Variants in IGF1R observed in about 807,000 individuals in gnomAD.
IGF1R encodes the protein insulin-like growth factor 1 receptor.
A neutral mutation model predicts 144.6 loss-of-function variants in IGF1R; 44 were observed. The observed-to-expected ratio is 0.30, with a 90% CI of 0.24 to 0.39. The LOEUF is 0.39. Ranked by LOEUF, IGF1R falls within the 10% of genes least tolerant of loss-of-function variation. IGF1R has a pLI of 1.00. For missense variants in IGF1R, 1,355 were observed against 1,833.7 expected, an observed-to-expected ratio of 0.74 and a Z score of 4.77; for synonymous variants, 795 against 722.8, an observed-to-expected ratio of 1.10 and a Z score of -1.60.
intron 2 of IGF1R, among the ~76,000 whole-genome samples, chr15:98,804,601 A>G (rs2056432806): frequency 6.6e-6 from 1 of 152,154 alleles, no homozygotes; most frequent in Non-Finnish European, 1.5e-5. Context: ...CCTGCATTTG[A>G]TTGTGAATGC....
At position 98,891,196 on chromosome 15, in the gene IGF1R, A is replaced by G; in HGVS notation, c.641-129A>G. The G allele has an allele frequency of 1.2e-6, 1 of 836,790 alleles. No homozygotes were observed. Among genetic ancestry groups the G allele is most frequent in the Admixed American group, 2.0e-5 (1 of 50,248 alleles). 51.8% of individuals were successfully genotyped at this position (836,790 alleles called of 1,614,324 possible). A position where few individuals can be genotyped will look rare whatever the true frequency, so the allele number is the denominator to read the frequency against. ...TGAGGATTTCGTAGTGTGTTTTTGC[A>G]TTGTCTCCTCAATGAGTGATCTGGT... On this transcript the variant is annotated intron_variant, in intron 2 of 20. Transcript: ENST00000650285. This position sits in a 1 kb window ranked among gnomAD's most constrained non-coding sequence, Gnocchi z 4.7.
chr15:98,776,325 T>C (rs1700832080), intron 2 of IGF1R, among the ~76,000 whole-genome samples: 1 of 151,904 alleles, frequency 6.6e-6, no homozygotes, highest in African/African-American at 2.4e-5. Flanking sequence ...ACAGGGTCTA[T>C]GGGCATGTGC....
chr15:98,711,116 C>T (rs2053981778), intron 2 of IGF1R, among the ~76,000 whole-genome samples: 1 of 152,160 alleles, frequency 6.6e-6, no homozygotes, highest in Non-Finnish European at 1.5e-5. Context: ...CACTGCAGCG[C>T]TCATAGCCCC....
chr15:98,836,210 A>G (rs1476032511), intron 2 of IGF1R, among the ~76,000 whole-genome samples: 2 of 151,314 alleles, frequency 1.3e-5, no homozygotes, highest in Non-Finnish European at 2.9e-5. Context: ...TCAGCTTTTT[A>G]TTTTGAAATA....
chr15:98,787,540 G>A (rs2056027187), intron 2 of IGF1R, among the ~76,000 whole-genome samples: 1 of 152,100 alleles, frequency 6.6e-6, no homozygotes, highest in African/African-American at 2.4e-5. Context: ...TTGGACCTTT[G>A]GGAAGCAGAT....
intron 2 of IGF1R, among the ~76,000 whole-genome samples, chr15:98,797,397 C>T (rs57670373): frequency 1.3e-5 from 2 of 152,140 alleles, no homozygotes; most frequent in Non-Finnish European, 2.9e-5. Flanking sequence ...GCGAGTGGAC[C>T]GTTACCTGTG....
intron 2 of IGF1R, among the ~76,000 whole-genome samples, chr15:98,775,056 T>TAAC (rs1322563348): frequency 1.3e-5 from 2 of 152,130 alleles, no homozygotes; most frequent in Non-Finnish European, 2.9e-5. Flanking sequence ...AGGTTAATAA[T>TAAC]AACCTGCCTT....
intron 1 of IGF1R, among the ~76,000 whole-genome samples, chr15:98,666,790 T>A (rs900736810): frequency 6.6e-6 from 1 of 152,120 alleles, no homozygotes; most frequent in Non-Finnish European, 1.5e-5. Flanking sequence ...AGTTTCAGTT[T>A]GGGAACATGT....
chr15:98,682,639 C>T (rs2053221449), intron 1 of IGF1R, among the ~76,000 whole-genome samples: 1 of 152,040 alleles, frequency 6.6e-6, no homozygotes, highest in South Asian at 2.1e-4. Context: ...CCTCTGCCTT[C>T]CGAGTTCCAG....
chr15:98,855,969 G>A (rs2011789485), intron 2 of IGF1R, among the ~76,000 whole-genome samples: 1 of 152,238 alleles, frequency 6.6e-6, no homozygotes, highest in South Asian at 2.1e-4. Context: ...GGCCGTAGAG[G>A]CTGCAACACG....
intron 1 of IGF1R, among the ~76,000 whole-genome samples, chr15:98,659,456 C>A (rs572333897): frequency 6.6e-6 from 1 of 152,020 alleles, no homozygotes; most frequent in South Asian, 2.1e-4. Context: ...TTAATAGTGC[C>A]CCAAGGAGGA....
In IGF1R at chr15:98,787,439, G is replaced by A. The variant is rs564194494; in HGVS notation, c.640+79332G>A. Among the ~76,000 whole-genome samples the A allele has an allele frequency of 3.4e-4, 52 of 152,272 alleles. 1 individual carries two copies. The South Asian group carries it at 0.011, about 31-fold the overall frequency. ...AAATCCTGAAGGCGTTGGAGCGTGA[G>A]CAAAGGGAAAATGGTGACACAGAGC... is the stretch of plus-strand genomic sequence containing the variant. On this transcript the variant is annotated intron_variant, in intron 2 of 20. Transcript: ENST00000650285.
chr15:98,937,773 C>T (rs1346475306), intron 17 of IGF1R, among the ~76,000 whole-genome samples: 4 of 152,168 alleles, frequency 2.6e-5, no homozygotes, highest in East Asian at 3.8e-4. Flanking sequence ...CTGTTGCTCA[C>T]GGCAATTATA....
In IGF1R at chr15:98,649,436, T is replaced by C; in HGVS notation, c.-146T>C. On this transcript the variant is annotated 5_prime_UTR_variant, in exon 1 of 21. Coordinates refer to ENST00000650285, the MANE Select transcript of IGF1R (RefSeq NM_000875.5). Reference sequence around the variant, plus strand: ...GGCCCCGGCGGCGCCGCCTTCGGAGTATTGTTTCCTTCGCCCTTGTTTTTG... The same window carrying C: ...GGCCCCGGCGGCGCCGCCTTCGGAGCATTGTTTCCTTCGCCCTTGTTTTTG... 3.5e-6 allele frequency: 2 copies of C among 567,536 alleles called. No homozygotes were observed. The highest frequency in any genetic ancestry group is 4.6e-5 in the South Asian group (2 of 43,746). 35.2% of individuals were successfully genotyped at this position (567,536 alleles called of 1,614,324 possible).
intron 6 of IGF1R, among the ~76,000 whole-genome samples, 189 bp downstream of exon 6, chr15:98,909,088 G>T (rs1392978242): frequency 6.6e-6 from 1 of 152,104 alleles, no homozygotes; most frequent in African/African-American, 2.4e-5. Context: ...GATACGTGAT[G>T]TATTCGTATT....
At position 98,957,438 on chromosome 15, in the gene IGF1R, G is replaced by T. The variant is rs951700427; in HGVS notation, c.4100G>T (p.Cys1367Phe). Reference sequence around the variant, plus strand: ...TTGCCGCTGCCCCAGTCTTCGACCTGCTGATCCTTGGATCCTGAATCTGTG... The same window carrying T: ...TTGCCGCTGCCCCAGTCTTCGACCTTCTGATCCTTGGATCCTGAATCTGTG... ...RALPLPQSST[C>F] Residue 1367 changes from cysteine to phenylalanine, a missense_variant, in exon 21 of 21, where the codon TGC becomes TTC. This residue lies in a region of IGF1R where 219 missense variants were observed against 188.8 expected (regional missense o/e 1.16). Transcript: ENST00000650285. 6.2e-7 allele frequency: 1 copy of T among 1,612,950 alleles called. No individual in the cohort carries two copies. Among genetic ancestry groups the T allele is most frequent in the Non-Finnish European group, 8.5e-7 (1 of 1,180,032 alleles).
chr15:98,785,065 A>C (rs567712314), intron 2 of IGF1R, among the ~76,000 whole-genome samples: 1 of 152,364 alleles, frequency 6.6e-6, no homozygotes, highest in Admixed American at 6.5e-5. Flanking sequence ...GCAAGCTGTT[A>C]AACATGGGAA....
intron 2 of IGF1R, among the ~76,000 whole-genome samples, chr15:98,835,314 G>A (rs1291998695): frequency 6.6e-6 from 1 of 152,136 alleles, no homozygotes; most frequent in Non-Finnish European, 1.5e-5. Context: ...GGACTAGATG[G>A]AAAGAGTGCA....
chr15:98,933,185 T>C (rs1033014250), intron 15 of IGF1R, among the ~76,000 whole-genome samples: 1 of 152,250 alleles, frequency 6.6e-6, no homozygotes. Context: ...ACATTTCATA[T>C]GGATCTTATG....
Sources: gnomAD v4.1 joint callset for allele counts (sites outside exome capture counted in the v4.1 genomes callset) on GRCh38, gnomAD v4.1.1 for gene constraint, gnomAD v4.1.1 regional missense constraint, Gnocchi (gnomAD v3.1) non-coding constraint, MANE v1.5 for transcripts, NCBI Gene and HGNC (gene_info 2026-07-23, HGNC 2026-07-21) for gene names.